SYNPO2: variants seen among roughly 807,000 people sequenced by gnomAD.
SYNPO2 encodes synaptopodin 2, also known as synaptopodin-2.
A neutral mutation model predicts 85.0 loss-of-function variants in SYNPO2; 56 were observed. The observed-to-expected ratio is 0.66, with a 90% CI of 0.53 to 0.82. The LOEUF is 0.82. Ranked by LOEUF, SYNPO2 falls within the 40% of genes least tolerant of loss-of-function variation. The pLI is 0.00. For missense variants in SYNPO2, 1,575 were observed against 1,534.2 expected (o/e 1.03, Z -0.44); for synonymous variants, 602 against 591.1 (o/e 1.02, Z -0.27).
At chr4:118,931,865 G>A (rs916166892) in intron 1 of SYNPO2, among the ~76,000 whole-genome samples, 1 of 152,168 alleles carries the variant, frequency 6.6e-6, no homozygotes, top group Non-Finnish European at 1.5e-5. Flanking sequence ...ATCAGTAAAT[G>A]TTTGTCTATT....
chr4:118,875,442 G>A (rs909762001), intron 1 of SYNPO2, among the ~76,000 whole-genome samples: 4 of 151,936 alleles, frequency 2.6e-5, no homozygotes, highest in African/African-American at 4.8e-5. Flanking sequence ...TCATTGGATT[G>A]TACACAACAT....
At chr4:118,854,647 T>A (rs1480479536) in intron 1 of SYNPO2, among the ~76,000 whole-genome samples, 1 of 152,198 alleles carries the variant, frequency 6.6e-6, no homozygotes, top group Non-Finnish European at 1.5e-5. Flanking sequence ...AAACATCTTG[T>A]CATTATAAAA....
intron 1 of SYNPO2, among the ~76,000 whole-genome samples, chr4:118,866,896 C>G (rs996715324): frequency 6.6e-6 from 1 of 152,128 alleles, no homozygotes; most frequent in East Asian, 1.9e-4. Context: ...TCAGGTAGTT[C>G]TTTATAGCTG....
chr4:119,017,294 T>C (rs1022033744), intron 1 of SYNPO2, among the ~76,000 whole-genome samples: 8 of 152,184 alleles, frequency 5.3e-5, no homozygotes, highest in Non-Finnish European at 1.0e-4. Flanking sequence ...AAAATGGAAT[T>C]ATGAACTTAT....
At chr4:118,967,860 CA>C (rs34878457) in intron 1 of SYNPO2, among the ~76,000 whole-genome samples, 188 of 145,298 alleles carry the variant, frequency 1.3e-3, no homozygotes, top group Middle Eastern at 3.5e-3. Context: ...ATCTTTATAC[CA>C]AAAAAAAAAA....
intron 1 of SYNPO2, among the ~76,000 whole-genome samples, chr4:119,007,228 A>ATGTATG (rs1461863053): frequency 8.2e-5 from 4 of 49,016 alleles, no homozygotes; most frequent in African/African-American, 3.8e-4. Flanking sequence ...ATATATATAT[A>ATGTATG]TATATATATA....
At chr4:119,054,845 C>T (rs1350647563) in intron 4 of SYNPO2, among the ~76,000 whole-genome samples, 1 of 152,162 alleles carries the variant, frequency 6.6e-6, no homozygotes, top group Non-Finnish European at 1.5e-5. Context: ...ACCAGGGATC[C>T]ACCTCTGTCT....
chr4:118,976,084 A>C (rs1735718699), intron 1 of SYNPO2, among the ~76,000 whole-genome samples: 1 of 152,200 alleles, frequency 6.6e-6, no homozygotes, highest in Non-Finnish European at 1.5e-5. Flanking sequence ...TGTGTCCAGA[A>C]TTGGTGGGTT....
intron 1 of SYNPO2, among the ~76,000 whole-genome samples, chr4:119,007,644 A>G (rs897665952): frequency 2.6e-5 from 4 of 152,092 alleles, no homozygotes; most frequent in Admixed American, 6.6e-5. Flanking sequence ...GCGGCACCAG[A>G]GTCAAGCCAC....
At chr4:119,053,385 C>T (rs12506805) in intron 4 of SYNPO2, among the ~76,000 whole-genome samples, 61,482 of 152,090 alleles carry the variant, frequency 0.4, 12,597 homozygotes, top group East Asian at 0.55. Context: ...GGTTTATCAT[C>T]TTATCCTCTA....
intron 4 of SYNPO2, among the ~76,000 whole-genome samples, chr4:119,045,625 G>A (rs917248297): frequency 2.0e-5 from 3 of 152,016 alleles, no homozygotes; most frequent in Admixed American, 1.3e-4. Context: ...AATGAATGAC[G>A]TTTACTATTT....
chr4:118,964,614 C>T (rs1455534239), intron 1 of SYNPO2, among the ~76,000 whole-genome samples: 1 of 152,178 alleles, frequency 6.6e-6, no homozygotes, highest in African/African-American at 2.4e-5. Context: ...CACTCTGCCT[C>T]TCTACTTCCA....
intron 1 of SYNPO2, among the ~76,000 whole-genome samples, chr4:118,990,255 C>T (rs1736363208): frequency 6.6e-6 from 1 of 152,014 alleles, no homozygotes; most frequent in Admixed American, 6.6e-5. Flanking sequence ...CAGGATGGAC[C>T]CTCAGGAAAT....
intron 1 of SYNPO2, among the ~76,000 whole-genome samples, chr4:118,991,144 T>A (rs1174004974): frequency 6.6e-6 from 1 of 152,124 alleles, no homozygotes; most frequent in Non-Finnish European, 1.5e-5. Context: ...GACCACTTTT[T>A]ATTTATTTTT....
intron 4 of SYNPO2, among the ~76,000 whole-genome samples, chr4:119,051,989 G>A (rs949177098): frequency 6.6e-6 from 1 of 152,188 alleles, no homozygotes; most frequent in Admixed American, 6.5e-5. Flanking sequence ...AGTGGGTGGC[G>A]TGGAGGGGGT....
At chr4:118,879,683 C>CA (rs1459193124) in intron 1 of SYNPO2, among the ~76,000 whole-genome samples, 1 of 152,162 alleles carries the variant, frequency 6.6e-6, no homozygotes, top group African/African-American at 2.4e-5. Flanking sequence ...GAGACTAAAA[C>CA]ACGAGGGGCT....
Position 119,058,264 on chromosome 4 carries a change from C to CT in SYNPO2, c.*330_*331insT, listed in dbSNP as rs142923250. 36,951 of 180,580 alleles carry CT rather than the reference C, an allele frequency of 0.2. 4,995 individuals carry two copies. The highest frequency in any genetic ancestry group is 0.39 in the African/African-American group (16,299 of 42,242). 11.2% of individuals were successfully genotyped at this position (180,580 alleles called of 1,614,324 possible). On this transcript the variant is annotated 3_prime_UTR_variant, in exon 5 of 5. Transcript: ENST00000307142. ...TTCCATTAATAGGTAGTCTATGCAA[C>CT]AAACTCTACTCAATTAAAGTAAAAC...
intron 1 of SYNPO2, among the ~76,000 whole-genome samples, chr4:118,907,931 G>A (rs554042268): frequency 3.9e-5 from 6 of 152,102 alleles, no homozygotes; most frequent in African/African-American, 7.2e-5. Context: ...CATCATGGAC[G>A]TCTTTCCATG....
At chr4:118,950,057 G>GA (rs1042566422) in intron 1 of SYNPO2, among the ~76,000 whole-genome samples, 1 of 151,116 alleles carries the variant, frequency 6.6e-6, no homozygotes, top group Non-Finnish European at 1.5e-5. Flanking sequence ...AACCAAGTTT[G>GA]AAAAAGATGA....
Sources: allele counts gnomAD v4.1 joint callset (sites outside exome capture counted in the v4.1 genomes callset), GRCh38; gene constraint gnomAD v4.1.1; transcripts MANE v1.5; gene names NCBI Gene and HGNC (gene_info 2026-07-23, HGNC 2026-07-21).